GPHN: variants seen among roughly 807,000 people sequenced by gnomAD.
GPHN encodes the protein gephyrin.
In GPHN, 17 loss-of-function variants were observed where a neutral mutation model predicts 95.5. The ratio of observed to expected loss-of-function variants is 0.18; its 90% CI spans 0.12 to 0.27. The LOEUF (loss-of-function observed/expected upper bound fraction) is 0.27, where lower values mean the gene tolerates loss of function less well. Ranked by LOEUF, GPHN falls within the 10% of genes least tolerant of loss-of-function variation. The probability of loss-of-function intolerance (pLI) is 1.00; values close to 1 mark genes in which losing one functional copy is unlikely to be tolerated. For synonymous variants in GPHN, 320 were observed against 322.5 expected (o/e 0.99, Z 0.08); for missense variants, 660 against 978.1 (o/e 0.67, Z 4.34).
chr14:67,680,092 A>T, the GPHN span, among the ~76,000 whole-genome samples: 1 of 152,216 alleles, frequency 6.6e-6, no homozygotes, highest in African/African-American at 2.4e-5. Context: ...GACATACTGA[A>T]TGAGAATCTC....
At chr14:66,660,717 C>G (rs2065593768) in intron 1 of GPHN, among the ~76,000 whole-genome samples, 1 of 152,152 alleles carries the variant, frequency 6.6e-6, no homozygotes, top group African/African-American at 2.4e-5. Flanking sequence ...AATGCAGCAC[C>G]TTTAACTGAA....
the GPHN span, among the ~76,000 whole-genome samples, chr14:67,227,233 A>G: frequency 1.3e-5 from 2 of 151,988 alleles, no homozygotes; most frequent in African/African-American, 2.4e-5. Flanking sequence ...CGAGGTCAGG[A>G]GTTCGAGACC....
the GPHN span, chr14:67,241,300 C>A: frequency 6.6e-6 from 1 of 152,504 alleles, no homozygotes; most frequent in South Asian, 1.9e-4. Context: ...TCGCGGCGGC[C>A]GCAGGGGCCG....
In GPHN at chr14:67,144,241, A is replaced by AT. The variant is rs1317978723; in HGVS notation, c.1836+792_1836+793insT. 6.5e-3 allele frequency among the ~76,000 whole-genome samples: 419 copies of AT among 64,352 alleles called. 56 individuals are homozygous for AT. Among genetic ancestry groups the AT allele is most frequent in the African/African-American group, 0.063 (369 of 5,820 alleles). The allele number at this position is 64,352 out of a possible 152,430, so 42.2% of individuals were successfully genotyped here. A position where few individuals can be genotyped will look rare whatever the true frequency, so the allele number is the denominator to read the frequency against. On this transcript the variant is annotated intron_variant, in intron 18 of 22. Coordinates refer to ENST00000478722, the MANE Select transcript of GPHN (RefSeq NM_020806.5). ...AACACAGCAAGACCCTGTCTTAAAA[A>AT]AAAAAAAAAATATATATATATATAT...
intron 4 of GPHN, among the ~76,000 whole-genome samples, chr14:66,852,176 A>T (rs974886757): frequency 6.6e-6 from 1 of 152,268 alleles, no homozygotes; most frequent in Non-Finnish European, 1.5e-5. Context: ...AGATATCATT[A>T]GTTGAGAATA....
At chr14:67,724,075 G>A in the GPHN span, among the ~76,000 whole-genome samples, 1 of 152,174 alleles carries the variant, frequency 6.6e-6, no homozygotes, top group Non-Finnish European at 1.5e-5. Context: ...GATGGTTACT[G>A]AATATTGACT....
intron 1 of GPHN, among the ~76,000 whole-genome samples, chr14:66,524,239 G>A (rs1283122482): frequency 1.3e-5 from 2 of 151,992 alleles, no homozygotes; most frequent in African/African-American, 2.4e-5. Flanking sequence ...AATGCAGGGT[G>A]GTAAAGTGAT....
At chr14:67,257,025 T>A in the GPHN span, among the ~76,000 whole-genome samples, 1 of 152,074 alleles carries the variant, frequency 6.6e-6, no homozygotes, top group South Asian at 2.1e-4. Flanking sequence ...TTTTTTTAAA[T>A]ACGTTTTAGG....
intron 10 of GPHN, among the ~76,000 whole-genome samples, chr14:67,031,059 A>C (rs373077435): frequency 6.6e-6 from 1 of 151,938 alleles, no homozygotes; most frequent in Non-Finnish European, 1.5e-5. Context: ...CTTCTCTTCA[A>C]ATTATCTCAT....
the GPHN span, among the ~76,000 whole-genome samples, chr14:67,269,128 G>A: frequency 6.6e-6 from 1 of 152,118 alleles, no homozygotes; most frequent in Non-Finnish European, 1.5e-5. Flanking sequence ...ACAGTATGTG[G>A]TCGTGGTCCT....
chr14:67,562,734 C>T, the GPHN span: 8 of 1,613,562 alleles, frequency 5.0e-6, no homozygotes, highest in African/African-American at 1.1e-4. Flanking sequence ...GAGTCCCGAG[C>T]TAGGTCCCGG....
chr14:66,518,867 T>G (rs894786991), intron 1 of GPHN, among the ~76,000 whole-genome samples: 1 of 152,028 alleles, frequency 6.6e-6, no homozygotes. Flanking sequence ...AAATGTGTTA[T>G]AGGATACAAA....
chr14:67,533,515 C>G, the GPHN span: 1 of 151,918 alleles, frequency 6.6e-6, no homozygotes, highest in Non-Finnish European at 1.5e-5. Context: ...GAGCAGGTGC[C>G]TCCCTACCTG....
chr14:66,775,508 A>G (rs1450621840), intron 2 of GPHN, among the ~76,000 whole-genome samples: 1 of 152,218 alleles, frequency 6.6e-6, no homozygotes, highest in African/African-American at 2.4e-5. Flanking sequence ...CAATATATCA[A>G]AATGTTATTT....
At position 67,122,339 on chromosome 14, in the gene GPHN, T is replaced by C. The variant is rs2079057334; in HGVS notation, c.1710T>C (p.His570=). 6.2e-7 allele frequency: 1 copy of C among 1,613,160 alleles called. No individual in the cohort carries two copies. Among genetic ancestry groups the C allele is most frequent in the Non-Finnish European group, 8.5e-7 (1 of 1,179,146 alleles). Residue 570 remains histidine (H), a synonymous_variant, in exon 17 of 23, where the codon CAT becomes CAC. Transcript: ENST00000478722. ...RSTLLATIQE[H]GYPTINLGIV... ...CTCTTCTAGCAACAATTCAGGAACATGGTTACCCCACGATCAACTTGGGTA... is the reference window on the plus strand; with the variant it reads ...CTCTTCTAGCAACAATTCAGGAACACGGTTACCCCACGATCAACTTGGGTA...
At position 67,113,123 on chromosome 14, in the gene GPHN, T is replaced by G. The variant is rs746132347; in HGVS notation, c.1578T>G (p.Val526=). 1 of 1,613,962 alleles carries G rather than the reference T, an allele frequency of 6.2e-7. No individual in the cohort carries two copies. The highest frequency in any genetic ancestry group is 8.5e-7 in the Non-Finnish European group (1 of 1,179,850). ...TGGCAACTGTAGGTGTCACAGAGGTTGAAGTTAATAAGTTTCCAGTGGTTG... is the reference window on the plus strand; with the variant it reads ...TGGCAACTGTAGGTGTCACAGAGGTGGAAGTTAATAAGTTTCCAGTGGTTG... ...GLLATVGVTE[V]EVNKFPVVAV... Residue 526 remains valine (V), a synonymous_variant, in exon 16 of 23, where the codon GTT becomes GTG. Coordinates refer to ENST00000478722, the MANE Select transcript of GPHN (RefSeq NM_020806.5).
the GPHN span, chr14:67,620,965 G>T: frequency 1.9e-6 from 3 of 1,614,050 alleles, no homozygotes; most frequent in South Asian, 3.3e-5. Context: ...TCTCCAGTTT[G>T]GGTAAGTGGT....
chr14:67,211,895 A>G, the GPHN span, among the ~76,000 whole-genome samples: 1 of 152,334 alleles, frequency 6.6e-6, no homozygotes, highest in Admixed American at 6.5e-5. Context: ...AAACAGAACC[A>G]GTTTCTGTAG....
chr14:66,669,660 T>C (rs1187144976), intron 1 of GPHN, among the ~76,000 whole-genome samples: 1 of 152,158 alleles, frequency 6.6e-6, no homozygotes, highest in Non-Finnish European at 1.5e-5. Flanking sequence ...TAGTGTGTTA[T>C]CTCCTAGCTT....
Sources: gnomAD v4.1 joint callset for allele counts (sites outside exome capture counted in the v4.1 genomes callset) on GRCh38, gnomAD v4.1.1 for gene constraint, MANE v1.5 for transcripts, NCBI Gene and HGNC (gene_info 2026-07-23, HGNC 2026-07-21) for gene names.